ROBO2: variants seen among roughly 807,000 people sequenced by gnomAD.
ROBO2 encodes the protein roundabout guidance receptor 2.
Under a neutral mutation model 160.8 loss-of-function variants are expected in ROBO2, and 53 were observed. That is an observed-to-expected ratio of 0.33 (90% confidence interval 0.26 to 0.41). ROBO2 has a LOEUF of 0.41. ROBO2 is among the 10% of genes least tolerant of loss of function. ROBO2 has a pLI of 1.00. For synonymous variants in ROBO2, 664 were observed against 611.7 expected, an observed-to-expected ratio of 1.09 and a Z score of -1.26; for missense variants, 1,577 against 1,722.4, an observed-to-expected ratio of 0.92 and a Z score of 1.49.
At chr3:76,702,766 A>G (rs1310170659) in intron 2 of ROBO2, among the ~76,000 whole-genome samples, 2 of 152,076 alleles carry the variant, frequency 1.3e-5, no homozygotes, top group Admixed American at 1.3e-4. Context: ...AAAAGTGAGA[A>G]AAGGGAGGAA....
intron 1 of ROBO2, among the ~76,000 whole-genome samples, chr3:75,913,092 C>G (rs1946667937): frequency 6.6e-6 from 1 of 152,148 alleles, no homozygotes; most frequent in African/African-American, 2.4e-5. Flanking sequence ...AGAATCCATT[C>G]TCTTGCCTTT....
At chr3:77,583,440 C>G (rs1387603892) in intron 16 of ROBO2, among the ~76,000 whole-genome samples, 1 of 151,930 alleles carries the variant, frequency 6.6e-6, no homozygotes, top group African/African-American at 2.4e-5. Flanking sequence ...GTTATTTCTT[C>G]ATGGGCAGAA....
chr3:76,468,320 A>G (rs772428862), intron 2 of ROBO2, among the ~76,000 whole-genome samples: 45 of 152,150 alleles, frequency 3.0e-4, no homozygotes, highest in Non-Finnish European at 8.8e-5. Flanking sequence ...GCTATACTTT[A>G]TATGGACACT....
At chr3:76,753,331 T>A (rs1429017197) in intron 2 of ROBO2, among the ~76,000 whole-genome samples, 1 of 151,940 alleles carries the variant, frequency 6.6e-6, no homozygotes, top group African/African-American at 2.4e-5. Flanking sequence ...CCTGATTTCA[T>A]TTATGGGGCC....
chr3:76,342,840 T>G (rs368951499), intron 2 of ROBO2, among the ~76,000 whole-genome samples: 1 of 152,070 alleles, frequency 6.6e-6, no homozygotes, highest in Non-Finnish European at 1.5e-5. Flanking sequence ...TACCCACTGT[T>G]TATAGGGAAA....
chr3:77,178,880 C>G (rs1397239418), intron 2 of ROBO2, among the ~76,000 whole-genome samples: 1 of 151,932 alleles, frequency 6.6e-6, no homozygotes, highest in Non-Finnish European at 1.5e-5. Flanking sequence ...TTACGCTGTT[C>G]TCTCTAGTCT....
intron 2 of ROBO2, among the ~76,000 whole-genome samples, chr3:76,316,480 AGACCTTAT>A (rs113054357): frequency 0.068 from 10,334 of 152,238 alleles, 418 homozygotes; most frequent in African/African-American, 0.12. Context: ...GCAGGCAGTC[AGACCTTAT>A]GGTCGTCTTC....
chr3:77,565,503 C>T (rs1035645137), intron 12 of ROBO2, among the ~76,000 whole-genome samples: 1 of 151,944 alleles, frequency 6.6e-6, no homozygotes, highest in Non-Finnish European at 1.5e-5. Flanking sequence ...CCTATTGTTT[C>T]GGAATTCTGT....
chr3:77,496,415 T>A (rs1260262477), intron 5 of ROBO2, among the ~76,000 whole-genome samples: 1 of 152,166 alleles, frequency 6.6e-6, no homozygotes, highest in Non-Finnish European at 1.5e-5. Flanking sequence ...AAGCCTCACT[T>A]ATGCATAATG....
At chr3:77,060,593 T>C (rs1048096930) in intron 1 of ROBO2, among the ~76,000 whole-genome samples, 1 of 152,248 alleles carries the variant, frequency 6.6e-6, no homozygotes, top group Non-Finnish European at 1.5e-5. Flanking sequence ...TAAAGGGACT[T>C]GAAAAATAGC....
chr3:76,132,536 T>G (rs914595415), intron 2 of ROBO2, among the ~76,000 whole-genome samples: 5 of 152,160 alleles, frequency 3.3e-5, no homozygotes, highest in Non-Finnish European at 7.4e-5. Context: ...GGACTAACCT[T>G]GCAAGCAGGC....
At chr3:77,010,535 G>A (rs984767141) in intron 2 of ROBO2, among the ~76,000 whole-genome samples, 1 of 151,962 alleles carries the variant, frequency 6.6e-6, no homozygotes, top group Non-Finnish European at 1.5e-5. Context: ...CTGATCAGAC[G>A]CTCCCAAATT....
chr3:77,641,435 T>A (rs2153722792), intron 24 of ROBO2, among the ~76,000 whole-genome samples: 1 of 152,308 alleles, frequency 6.6e-6, no homozygotes, highest in African/African-American at 2.4e-5. Flanking sequence ...AGCTGACTGT[T>A]AAGGAAGCTA....
intron 2 of ROBO2, among the ~76,000 whole-genome samples, chr3:77,370,022 T>G (rs2071499991): frequency 6.6e-6 from 1 of 152,206 alleles, no homozygotes; most frequent in African/African-American, 2.4e-5. Context: ...ACAAGAGTGA[T>G]GCAAGTCAGA....
chr3:76,239,360 G>GTATATATA (rs4054003), intron 2 of ROBO2, among the ~76,000 whole-genome samples: 1 of 150,072 alleles, frequency 6.7e-6, no homozygotes, highest in Non-Finnish European at 1.5e-5. Flanking sequence ...ATACGTATAT[G>GTATATATA]TATATATATA....
chr3:77,361,207 G>T (rs2153467561), intron 2 of ROBO2, among the ~76,000 whole-genome samples: 1 of 152,234 alleles, frequency 6.6e-6, no homozygotes, highest in East Asian at 1.9e-4. Flanking sequence ...ACAACAAATA[G>T]TTTTGTTCCA....
chr3:77,322,943 T>TAC (rs2064930313), intron 2 of ROBO2, among the ~76,000 whole-genome samples: 45 of 3,336 alleles, frequency 0.013, 1 homozygote, highest in Non-Finnish European at 0.05. Flanking sequence ...TATAATATAT[T>TAC]ATATTATATT....
At chr3:77,183,101 C>G (rs901032532) in intron 2 of ROBO2, among the ~76,000 whole-genome samples, 3 of 152,014 alleles carry the variant, frequency 2.0e-5, no homozygotes, top group African/African-American at 4.8e-5. Context: ...GATGCTGGCT[C>G]CTGTTTTATC....
chr3:76,657,446 A>T (rs1047159040), intron 2 of ROBO2, among the ~76,000 whole-genome samples: 1 of 150,164 alleles, frequency 6.7e-6, no homozygotes, highest in Admixed American at 6.6e-5. Flanking sequence ...CAAAAAAATT[A>T]CATTAAAAAA....
Sources: allele counts gnomAD v4.1 joint callset (sites outside exome capture counted in the v4.1 genomes callset), GRCh38; gene constraint gnomAD v4.1.1; transcripts MANE v1.5; gene names NCBI Gene and HGNC (gene_info 2026-07-23, HGNC 2026-07-21).